MINAR1: variants seen among roughly 807,000 people sequenced by gnomAD.
The protein encoded by MINAR1 is major intrinsically disordered Notch2-binding receptor 1.
MINAR1 carries 40 observed loss-of-function variants against 65.1 expected under a neutral mutation model. The ratio of observed to expected loss-of-function variants is 0.61; its 90% CI spans 0.48 to 0.80. MINAR1 has a LOEUF of 0.80. MINAR1 is among the 30% of genes least tolerant of loss of function. MINAR1 has a pLI of 0.00. For synonymous variants in MINAR1, 482 were observed against 449.1 expected, an observed-to-expected ratio of 1.07 and a Z score of -0.93; for missense variants, 1,128 against 1,148.0, an observed-to-expected ratio of 0.98 and a Z score of 0.25.
In MINAR1 at chr15:79,457,667, C is replaced by T; in HGVS notation, c.1520C>T (p.Ser507Leu). Residue 507 changes from serine to leucine, a missense_variant, in exon 2 of 4, where the codon TCA (serine) becomes TTA (leucine). Ser to Leu is a moderately radical substitution (Grantham distance 145, BLOSUM62 -2). Transcript: ENST00000305428. Reference protein sequence around the residue: ...KYSDRHTMKHSDDDSEIVSDD... With the variant: ...KYSDRHTMKHLDDDSEIVSDD... ...AGTGACAGGCACACCATGAAGCACTCAGACGATGACTCAGAAATTGTCAGC... is the reference window on the plus strand; with the variant it reads ...AGTGACAGGCACACCATGAAGCACTTAGACGATGACTCAGAAATTGTCAGC... The T allele has an allele frequency of 2.5e-6, 4 of 1,614,158 alleles. No individual in the cohort carries two copies. Among genetic ancestry groups the T allele is most frequent in the Non-Finnish European group, 3.4e-6 (4 of 1,180,022 alleles).
rs141098308 is a variant in MINAR1, at chr15:79,456,234, C to G, written c.87C>G (p.Asp29Glu). ...DSKQNTVSYQ[D>E]LCKSLCARFD... ...AGCAAAATACCGTTTCTTATCAGGA[C>G]CTGTGCAAATCTCTCTGTGCCCGGT... Residue 29 changes from aspartate to glutamate, a missense_variant, in exon 2 of 4, where the codon GAC becomes GAG. By Grantham distance (45) the Asp-to-Glu change is conservative. Coordinates refer to ENST00000305428, the MANE Select transcript of MINAR1 (RefSeq NM_015206.3). 7.7e-4 allele frequency: 1,249 copies of G among 1,614,020 alleles called. 2 individuals carry two copies. Among genetic ancestry groups the G allele is most frequent in the Non-Finnish European group, 9.6e-4 (1,134 of 1,180,024 alleles).
At chr15:79,440,995 A>G (rs1488342467) in intron 1 of MINAR1, among the ~76,000 whole-genome samples, 2 of 152,208 alleles carry the variant, frequency 1.3e-5, no homozygotes, top group Non-Finnish European at 2.9e-5. Context: ...CATGCCAGTT[A>G]CAAAAGAAAC....
At chr15:79,432,010 C>G (rs972357219), upstream of MINAR1, among the ~76,000 whole-genome samples, 6 of 152,150 alleles carry the variant, frequency 3.9e-5, no homozygotes, top group Non-Finnish European at 8.8e-5. Flanking sequence ...CCGTGCGCCC[C>G]GCCAGCTTGA....
the MINAR1 span, chr15:79,414,090 TTAA>T: frequency 6.6e-6 from 1 of 152,168 alleles, no homozygotes. Context: ...TCCCTGAATG[TTAA>T]TGATATGGAA....
chr15:79,426,363 G>A, the MINAR1 span: 2 of 152,206 alleles, frequency 1.3e-5, no homozygotes, highest in South Asian at 2.1e-4. Flanking sequence ...CACAGCCTCA[G>A]GCAAAAGCAT....
Position 79,456,200 on chromosome 15 carries a change from T to G in MINAR1, c.53T>G (p.Leu18Arg). ...SLFLVKILEELDSKQNTVSYQ... is the reference protein window; with the variant it reads ...SLFLVKILEERDSKQNTVSYQ... The stretch of plus-strand genomic sequence containing the variant: ...TTCTTGGTGAAGATCTTGGAGGAAC[T>G]GGACAGCAAGCAAAATACCGTTTCT... Residue 18 changes from leucine (L) to arginine (R), a missense_variant, in exon 2 of 4, where the codon CTG becomes CGG. Transcript: ENST00000305428. 1.2e-6 allele frequency: 2 copies of G among 1,613,820 alleles called. No homozygotes were observed. The highest frequency in any genetic ancestry group is 1.7e-6 in the Non-Finnish European group (2 of 1,179,908).
chr15:79,460,754 C>A (rs1895615294), intron 2 of MINAR1, among the ~76,000 whole-genome samples: 1 of 152,226 alleles, frequency 6.6e-6, no homozygotes, highest in Non-Finnish European at 1.5e-5. Context: ...CTTAGCCAGG[C>A]CTTCACAACC....
intron 1 of MINAR1, among the ~76,000 whole-genome samples, chr15:79,445,550 A>ATTTTT (rs60881490): frequency 0.017 from 2,422 of 138,648 alleles, 43 homozygotes; most frequent in Middle Eastern, 0.033. Context: ...TGTGACAGTT[A>ATTTTT]TTTTTTTTTT....
At chr15:79,461,697 G>T (rs141359175) in intron 2 of MINAR1, among the ~76,000 whole-genome samples, 15 of 152,350 alleles carry the variant, frequency 9.8e-5, no homozygotes, top group African/African-American at 3.6e-4. Context: ...GAGCCAATGG[G>T]TTGGGTTTGC....
intron 1 of MINAR1, among the ~76,000 whole-genome samples, chr15:79,434,480 G>A (rs957462264): frequency 6.6e-6 from 1 of 152,164 alleles, no homozygotes; most frequent in African/African-American, 2.4e-5. Context: ...CCCAAAATGA[G>A]CCCTTTCTCA....
the MINAR1 span, chr15:79,416,007 A>G: frequency 1.3e-5 from 2 of 152,224 alleles, no homozygotes; most frequent in African/African-American, 2.4e-5. Flanking sequence ...GCCAAGGTAG[A>G]TATTTTCTTT....
chr15:79,443,146 C>G (rs1315301630), intron 1 of MINAR1, among the ~76,000 whole-genome samples: 1 of 152,162 alleles, frequency 6.6e-6, no homozygotes, highest in Non-Finnish European at 1.5e-5. Flanking sequence ...GGGAGCTGCA[C>G]TTAGAAACAG....
chr15:79,445,072 C>T (rs534055298), intron 1 of MINAR1, among the ~76,000 whole-genome samples: 2 of 151,928 alleles, frequency 1.3e-5, no homozygotes, highest in South Asian at 2.1e-4. Context: ...TATTGAGTGT[C>T]GATATGTTCA....
At chr15:79,447,480 C>A (rs1318364020) in intron 1 of MINAR1, among the ~76,000 whole-genome samples, 3 of 151,496 alleles carry the variant, frequency 2.0e-5, no homozygotes, top group Non-Finnish European at 2.9e-5. Context: ...ATTTTAGGTT[C>A]TTGAAGTTCT....
Position 79,457,159 on chromosome 15 carries a change from A to C in MINAR1, c.1012A>C (p.Thr338Pro), listed in dbSNP as rs1895458466. ...HESLDDLQASTYFGPTPVMGT... is the reference protein window; with the variant it reads ...HESLDDLQASPYFGPTPVMGT... ...AAGCTTAGATGACCTTCAAGCCTCT[A>C]CATATTTTGGGCCCACTCCCGTGAT... The change falls in exon 2 of 4, where the codon ACA (threonine) becomes CCA (proline). Residue 338 changes from threonine to proline, a missense_variant. Thr to Pro is a conservative substitution (Grantham distance 38). Transcript: ENST00000305428. 1 of 1,614,060 alleles carries C rather than the reference A, an allele frequency of 6.2e-7. No individual in the cohort carries two copies. Among genetic ancestry groups the C allele is most frequent in the African/African-American group, 1.3e-5 (1 of 74,934 alleles).
At chr15:79,459,245 TCTTTC>T (rs1022595348) in intron 2 of MINAR1, among the ~76,000 whole-genome samples, 5 of 152,176 alleles carry the variant, frequency 3.3e-5, no homozygotes, top group South Asian at 2.1e-4. Flanking sequence ...TAATCTGGTG[TCTTTC>T]CTTTCCTTTT....
chr15:79,435,040 C>T (rs1256118915), intron 1 of MINAR1, among the ~76,000 whole-genome samples: 17 of 152,134 alleles, frequency 1.1e-4, no homozygotes, highest in African/African-American at 4.1e-4. Flanking sequence ...TTTAGGAGGC[C>T]GAAGCGGGTG....
chr15:79,455,854 A>AT (rs1186583920), intron 1 of MINAR1, among the ~76,000 whole-genome samples: 1 of 152,180 alleles, frequency 6.6e-6, no homozygotes, highest in African/African-American at 2.4e-5. Context: ...CTTTTTCATT[A>AT]TTACAAGTGC....
At chr15:79,455,668 C>T (rs1297340801) in intron 1 of MINAR1, among the ~76,000 whole-genome samples, 3 of 152,196 alleles carry the variant, frequency 2.0e-5, no homozygotes, top group East Asian at 1.9e-4. Context: ...CACCCACACA[C>T]GATACATTCG....
Sources: gnomAD v4.1 joint callset for allele counts (sites outside exome capture counted in the v4.1 genomes callset) on GRCh38, gnomAD v4.1.1 for gene constraint, MANE v1.5 for transcripts, NCBI Gene and HGNC (gene_info 2026-07-23, HGNC 2026-07-21) for gene names.